ZNF407: variants seen among roughly 807,000 people sequenced by gnomAD.
The protein encoded by ZNF407 is zinc finger protein 407.
Under a neutral mutation model 131.2 loss-of-function variants are expected in ZNF407, and 17 were observed. The ratio of observed to expected loss-of-function variants is 0.13; its 90% CI spans 0.09 to 0.19. The LOEUF (loss-of-function observed/expected upper bound fraction) is 0.19, where lower values mean the gene tolerates loss of function less well. Among genes scored for constraint, ZNF407 ranks in the 10% least tolerant of loss-of-function variants. The pLI is 1.00. For missense variants in ZNF407, 2,681 were observed against 2,830.6 expected (o/e 0.95, Z 1.20); for synonymous variants, 1,156 against 1,062.0 (o/e 1.09, Z -1.72).
chr18:74,633,840 A>C lies in ZNF407; in HGVS notation c.2821A>C (p.Met941Leu). The C allele has an allele frequency of 1.2e-6, 2 of 1,614,002 alleles. No individual in the cohort carries two copies. The highest frequency in any genetic ancestry group is 1.7e-6 in the Non-Finnish European group (2 of 1,179,886). Residue 941 changes from methionine (M) to leucine (L), a missense_variant, in exon 2 of 9, where the codon ATG becomes CTG. Around this residue, in one of 6 missense-constraint regions of ZNF407, gnomAD observed 1,789 missense variants for 1,748.7 expected, o/e 1.02. Transcript: ENST00000299687. ...GKKNAGSAVT[M>L]SDEHANKPAE... ...AAAGAATGCTGGCTCAGCAGTGACC[A>C]TGTCAGATGAACATGCTAACAAACC...
intron 3 of ZNF407, among the ~76,000 whole-genome samples, chr18:74,700,068 T>G (rs891309186): frequency 6.6e-6 from 1 of 152,214 alleles, no homozygotes; most frequent in Non-Finnish European, 1.5e-5. Context: ...TGTAAACTTA[T>G]TTATACTTTA....
intron 8 of ZNF407, among the ~76,000 whole-genome samples, chr18:75,011,522 A>G (rs1365953482): frequency 6.6e-6 from 1 of 152,198 alleles, no homozygotes; most frequent in Admixed American, 6.6e-5. Context: ...ATTATTACAC[A>G]TAAAAAAAAT....
At chr18:74,619,435 T>G (rs1983432127) in intron 1 of ZNF407, among the ~76,000 whole-genome samples, 1 of 152,228 alleles carries the variant, frequency 6.6e-6, no homozygotes, top group African/African-American at 2.4e-5. Context: ...CTAATTCTCT[T>G]TGCTTTCCTT....
intron 4 of ZNF407, among the ~76,000 whole-genome samples, chr18:74,865,260 G>GA (rs1970994705): frequency 1.3e-5 from 2 of 152,106 alleles, no homozygotes; most frequent in Non-Finnish European, 2.9e-5. Flanking sequence ...ATTTCCATCT[G>GA]AAAAATGTTT....
intron 8 of ZNF407, among the ~76,000 whole-genome samples, chr18:74,934,278 A>T (rs1972014275): frequency 6.6e-6 from 1 of 152,204 alleles, no homozygotes; most frequent in African/African-American, 2.4e-5. Flanking sequence ...TTTAATCACT[A>T]TTGTATGGAA....
chr18:74,653,505 T>C (rs1244840304), intron 3 of ZNF407, among the ~76,000 whole-genome samples: 1 of 151,878 alleles, frequency 6.6e-6, no homozygotes, highest in South Asian at 2.1e-4. Context: ...AGAACTATTG[T>C]GAAATATTAC....
chr18:75,012,859 G>A (rs1451294844), intron 8 of ZNF407, among the ~76,000 whole-genome samples: 1 of 150,854 alleles, frequency 6.6e-6, no homozygotes, highest in African/African-American at 2.4e-5. Context: ...TCTAAATTCA[G>A]CTACTGGCTC....
chr18:75,019,386 G>A (rs1973080586), intron 8 of ZNF407, among the ~76,000 whole-genome samples: 1 of 152,102 alleles, frequency 6.6e-6, no homozygotes, highest in African/African-American at 2.4e-5. Context: ...TGTGCGCAGT[G>A]GTCCTCCTCC....
chr18:74,666,239 AG>A (rs1985925504), intron 3 of ZNF407, among the ~76,000 whole-genome samples: 1 of 152,288 alleles, frequency 6.6e-6, no homozygotes, highest in African/African-American at 2.4e-5. Context: ...AGGTAGGAGC[AG>A]GACATTTCTG....
intron 8 of ZNF407, among the ~76,000 whole-genome samples, chr18:74,931,991 C>T (rs929929473): frequency 4.0e-5 from 6 of 151,754 alleles, no homozygotes; most frequent in East Asian, 1.9e-4. Flanking sequence ...TCTTTTTTTC[C>T]GCCTCTTAAC....
At chr18:75,060,513 T>TTC (rs1349823190) in intron 8 of ZNF407, among the ~76,000 whole-genome samples, 21 of 144,372 alleles carry the variant, frequency 1.5e-4, no homozygotes, top group African/African-American at 4.9e-4. Flanking sequence ...TTTTCTTTTT[T>TTC]TTTTTTTTTT....
chr18:74,962,538 A>T (rs186255432), intron 8 of ZNF407, among the ~76,000 whole-genome samples: 103 of 152,104 alleles, frequency 6.8e-4, no homozygotes, highest in Non-Finnish European at 1.0e-3. Context: ...GACCCCCGCC[A>T]CTCTTGGGCT....
intron 8 of ZNF407, among the ~76,000 whole-genome samples, chr18:74,955,483 G>C (rs931332685): frequency 3.9e-5 from 6 of 152,180 alleles, no homozygotes; most frequent in Non-Finnish European, 8.8e-5. Context: ...CTGATATATG[G>C]AGCTGGCGCT....
Position 75,064,163 on chromosome 18 carries a change from A to T in ZNF407, c.6442A>T (p.Thr2148Ser), listed in dbSNP as rs1178216630. ...CGGGGAGATCTCGCAGATCATCGTG[A>T]CGGAGGAGCTGGTCCAGGCCATGGT... The part of the protein sequence containing the change: ...SDGEISQIIV[T>S]EELVQAMVQE... The change falls in exon 9 of 9, where the codon ACG becomes TCG. Residue 2148 changes from threonine (T) to serine (S), a missense_variant. Around this residue, in one of 6 missense-constraint regions of ZNF407, gnomAD observed 620 missense variants for 583.1 expected, o/e 1.06. Transcript: ENST00000299687. 1 of 1,605,196 alleles carries T rather than the reference A, an allele frequency of 6.2e-7. No homozygotes were observed. Among genetic ancestry groups the T allele is most frequent in the East Asian group, 2.3e-5 (1 of 44,412 alleles).
chr18:74,736,592 A>AG (rs772634863), intron 3 of ZNF407, among the ~76,000 whole-genome samples: 32 of 152,116 alleles, frequency 2.1e-4, no homozygotes, highest in Admixed American at 5.2e-4. Flanking sequence ...TTCTGTACTG[A>AG]GATTTTTTTA....
chr18:74,699,456 A>G (rs779625679), intron 3 of ZNF407, among the ~76,000 whole-genome samples: 6 of 152,072 alleles, frequency 3.9e-5, no homozygotes, highest in East Asian at 1.9e-4. Flanking sequence ...TATTTTGGAG[A>G]AGATAGTTGT....
chr18:74,808,076 C>T (rs558568264), intron 4 of ZNF407, among the ~76,000 whole-genome samples: 4 of 152,058 alleles, frequency 2.6e-5, no homozygotes, highest in African/African-American at 4.8e-5. Context: ...TTCGATGGCG[C>T]GATCTCGGCA....
At chr18:74,731,783 A>G (rs183213901) in intron 3 of ZNF407, among the ~76,000 whole-genome samples, 38 of 152,026 alleles carry the variant, frequency 2.5e-4, no homozygotes, top group African/African-American at 8.2e-4. Flanking sequence ...TGGGGTGGGG[A>G]GGTGAGTGAT....
At chr18:74,716,368 G>T (rs1437488343) in intron 3 of ZNF407, among the ~76,000 whole-genome samples, 2 of 152,096 alleles carry the variant, frequency 1.3e-5, no homozygotes, top group Admixed American at 6.5e-5. Flanking sequence ...CTTATTTCTA[G>T]TATCACAGCA....
Sources: allele counts gnomAD v4.1 joint callset (sites outside exome capture counted in the v4.1 genomes callset), GRCh38; gene constraint gnomAD v4.1.1; regional missense constraint gnomAD v4.1.1; transcripts MANE v1.5; gene names NCBI Gene and HGNC (gene_info 2026-07-23, HGNC 2026-07-21).